Variants in PPP2R3C observed in about 807,000 individuals in gnomAD.
PPP2R3C encodes the protein protein phosphatase 2 regulatory subunit B''gamma, also known as serine/threonine-protein phosphatase 2A regulatory subunit B'' subunit gamma.
Under a neutral mutation model 63.7 loss-of-function variants are expected in PPP2R3C, and 47 were observed. The ratio of observed to expected loss-of-function variants is 0.74; its 90% CI spans 0.58 to 0.94. PPP2R3C has a LOEUF of 0.94. Among genes scored for constraint, PPP2R3C ranks in the 40% least tolerant of loss-of-function variants. The pLI is 0.00. For missense variants in PPP2R3C, 421 were observed against 518.4 expected (o/e 0.81, Z 1.82); for synonymous variants, 180 against 177.4 (o/e 1.01, Z -0.12).
intron 6 of PPP2R3C, among the ~76,000 whole-genome samples, chr14:35,105,013 C>T (rs8018072): frequency 0.077 from 11,221 of 145,760 alleles, 519 homozygotes; most frequent in South Asian, 0.12. Flanking sequence ...GGATTACAGG[C>T]GTGAGCTACC....
chr14:35,122,295 T>C (rs953157433), upstream of PPP2R3C: 1 of 322,612 alleles, frequency 3.1e-6, no homozygotes, highest in Non-Finnish European at 6.0e-6. Flanking sequence ...GCGCACCACG[T>C]GACCCAGGAG....
intron 7 of PPP2R3C, 120 bp downstream of exon 7, chr14:35,099,132 A>G (rs2046103025): frequency 1.5e-6 from 2 of 1,304,298 alleles, no homozygotes; most frequent in Admixed American, 7.1e-5. Context: ...GAAATTCACC[A>G]AATTTTTAAT....
rs375584047 is a variant in PPP2R3C at position 35,103,498 on chromosome 14, C to T, written c.573+3806G>A. On this transcript the variant is annotated intron_variant, in intron 6 of 12. Coordinates refer to ENST00000261475, the MANE Select transcript of PPP2R3C (RefSeq NM_017917.4). The stretch of plus-strand genomic sequence containing the variant: ...GCCTAGTTTACTGTTTTATTTTCTA[C>T]ATATAACTTGTCACTATTTGATATT... Among the ~76,000 whole-genome samples the T allele has an allele frequency of 2.5e-4, 38 of 152,258 alleles. No individual in the cohort carries two copies. The East Asian group carries it at 2.5e-3, about 10-fold the overall frequency.
At chr14:35,101,897 G>A (rs2046203720) in intron 6 of PPP2R3C, 1 of 152,010 alleles carries the variant, frequency 6.6e-6, no homozygotes, top group Non-Finnish European at 1.5e-5. Flanking sequence ...TTTAACATGG[G>A]CTTTGCCCTA....
In PPP2R3C at chr14:35,108,041, T is replaced by TA. The variant is rs201052198; in HGVS notation, c.502+97dup. 1.1e-3 allele frequency: 1,615 copies of TA among 1,456,946 alleles called. 21 individuals carry two copies. The African/African-American group carries it at 0.02, about 18-fold the overall frequency. 90.3% of individuals were successfully genotyped at this position (1,456,946 alleles called of 1,614,324 possible). A position where few individuals can be genotyped will look rare whatever the true frequency, so the allele number is the denominator to read the frequency against. On this transcript the variant is annotated intron_variant, in intron 5 of 12. Transcript: ENST00000261475. ...GATAAGAAATTCTACTATTCAAACT[T>TA]AGAGTGATTTCACATAGAAGAAATA...
intron 6 of PPP2R3C, among the ~76,000 whole-genome samples, chr14:35,103,482 A>G (rs917936945): frequency 6.6e-6 from 1 of 152,108 alleles, no homozygotes; most frequent in African/African-American, 2.4e-5. Flanking sequence ...TGCCTAGTTT[A>G]CTGTTTTATT....
In PPP2R3C at chr14:35,121,924, C is replaced by A. The variant is rs374533260; in HGVS notation, c.36G>T (p.Ala12=). 1.2e-6 allele frequency: 2 copies of A among 1,614,028 alleles called. No individual in the cohort carries two copies. The highest frequency in any genetic ancestry group is 2.7e-5 in the African/African-American group (2 of 74,918). ...DWKEVLRRRL[A]TPNTCPNKKK... is the part of the protein sequence containing the mutation. Reference sequence around the variant, plus strand: ...CACTGTTTGGACAGGTGTTGGGCGTCGCTAGGCGCCGACGAAGAACTTCTT... The same window carrying A: ...CACTGTTTGGACAGGTGTTGGGCGTAGCTAGGCGCCGACGAAGAACTTCTT... Residue 12 remains alanine, a synonymous_variant, in exon 1 of 13, where the codon GCG becomes GCT. Coordinates refer to ENST00000261475, the MANE Select transcript of PPP2R3C (RefSeq NM_017917.4).
intron 6 of PPP2R3C, chr14:35,100,325 A>T (rs989361598): frequency 6.6e-6 from 1 of 152,190 alleles, no homozygotes; most frequent in Non-Finnish European, 1.5e-5. Flanking sequence ...TACAATTTCT[A>T]TAAGTGGACC....
intron 11 of PPP2R3C, among the ~76,000 whole-genome samples, chr14:35,089,705 A>G (rs1021493487): frequency 7.3e-5 from 11 of 150,804 alleles, no homozygotes; most frequent in South Asian, 2.1e-4. Flanking sequence ...TCGCTCTGTT[A>G]CCCAGGCTGC....
chr14:35,099,215 C>A, intron 7 of PPP2R3C, 37 bp downstream of exon 7: 2 of 1,487,770 alleles, frequency 1.3e-6, no homozygotes, highest in South Asian at 1.4e-5. Context: ...ATAATAATAT[C>A]CTCATAATAT....
intron 3 of PPP2R3C, 107 bp downstream of exon 3, chr14:35,110,418 C>A (rs555791469): frequency 4.3e-6 from 3 of 695,676 alleles, no homozygotes; most frequent in South Asian, 3.8e-5. Context: ...CTATGTAGTA[C>A]CACTCTGTAG....
At chr14:35,101,557 T>C (rs2046191137) in intron 6 of PPP2R3C, 1 of 152,242 alleles carries the variant, frequency 6.6e-6, no homozygotes. Flanking sequence ...GTGAAACTTT[T>C]AGGGATTTCT....
At chr14:35,091,641 A>G (rs560028707) in intron 10 of PPP2R3C, among the ~76,000 whole-genome samples, 1 of 152,160 alleles carries the variant, frequency 6.6e-6, no homozygotes, top group South Asian at 2.1e-4. Flanking sequence ...TGCTGGGATT[A>G]TAGGTGTGAG....
chr14:35,092,498 C>T (rs769211043), intron 10 of PPP2R3C, among the ~76,000 whole-genome samples: 11 of 151,266 alleles, frequency 7.3e-5, no homozygotes, highest in Non-Finnish European at 1.5e-4. Context: ...TGGAGTTTCG[C>T]TCTTGTTGCC....
intron 10 of PPP2R3C, among the ~76,000 whole-genome samples, chr14:35,094,393 G>A (rs774250743): frequency 4.6e-5 from 7 of 151,502 alleles, no homozygotes; most frequent in African/African-American, 9.7e-5. Flanking sequence ...AGTTTTGAAC[G>A]ACTGGCCTTA....
intron 6 of PPP2R3C, among the ~76,000 whole-genome samples, 157 bp downstream of exon 6, chr14:35,107,147 T>G (rs1003767335): frequency 2.6e-5 from 4 of 152,198 alleles, no homozygotes; most frequent in African/African-American, 9.6e-5. Flanking sequence ...AGTTGCTTTG[T>G]TACAGTAAAA....
chr14:35,099,471 A>G, intron 6 of PPP2R3C, 87 bp from the exon 7 acceptor site: 1 of 1,388,916 alleles, frequency 7.2e-7, no homozygotes, highest in Non-Finnish European at 9.6e-7. Flanking sequence ...ATTCAGCATT[A>G]ATACTATATT....
intron 3 of PPP2R3C, 66 bp downstream of exon 3, chr14:35,110,459 G>T: frequency 9.1e-7 from 1 of 1,098,528 alleles, no homozygotes; most frequent in Non-Finnish European, 1.4e-6. Flanking sequence ...AAGAAATCCT[G>T]CATGATTTAA....
chr14:35,089,484 G>A (rs538491121), intron 11 of PPP2R3C, among the ~76,000 whole-genome samples: 18 of 151,906 alleles, frequency 1.2e-4, no homozygotes, highest in African/African-American at 3.1e-4. Flanking sequence ...CCCAGTAACC[G>A]GGACCACAGG....
Sources: gnomAD v4.1 joint callset for allele counts (sites outside exome capture counted in the v4.1 genomes callset) on GRCh38, gnomAD v4.1.1 for gene constraint, MANE v1.5 for transcripts, NCBI Gene and HGNC (gene_info 2026-07-23, HGNC 2026-07-21) for gene names.